The following FLRT1 variants were observed in gnomAD, a reference collection of about 807,000 sequenced individuals.
FLRT1 encodes the protein leucine-rich repeat transmembrane protein FLRT1.
Under a neutral mutation model 30.9 loss-of-function variants are expected in FLRT1, and 14 were observed. That is an observed-to-expected ratio of 0.45 (90% CI 0.30 to 0.71). The LOEUF (loss-of-function observed/expected upper bound fraction) is 0.71, where lower values mean the gene tolerates loss of function less well. Ranked by LOEUF, FLRT1 falls within the 30% of genes least tolerant of loss-of-function variation. The probability of loss-of-function intolerance (pLI) is 0.08; values close to 1 mark genes in which losing one functional copy is unlikely to be tolerated. For missense variants in FLRT1, 737 were observed against 949.2 expected, an observed-to-expected ratio of 0.78 and a Z score of 2.94; for synonymous variants, 368 against 430.4, an observed-to-expected ratio of 0.85 and a Z score of 1.80.
At chr11:64,044,476 T>G (rs1436650831) in intron 1 of FLRT1, among the ~76,000 whole-genome samples, 1 of 152,168 alleles carries the variant, frequency 6.6e-6, no homozygotes, top group Non-Finnish European at 1.5e-5. Context: ...CTTGAACTCC[T>G]GGCCTCAAGC....
Position 64,091,313 on chromosome 11 carries a change from T to G in FLRT1, c.-1037-11881T>G, listed in dbSNP as rs975931071. ...TGGATTTCATCACTCACGTAGCTGA[T>G]TTCATCACGTTTCATTTTCTGTCAA... is the stretch of plus-strand genomic sequence containing the variant. On this transcript the variant is annotated intron_variant, in intron 1 of 2. Coordinates refer to ENST00000682287, the MANE Select transcript of FLRT1 (RefSeq NM_013280.5). Among the ~76,000 whole-genome samples, 7 of 152,196 alleles carry G rather than the reference T, an allele frequency of 4.6e-5. 1 individual carries two copies. The East Asian group carries it at 1.4e-3, about 29-fold the overall frequency.
At chr11:64,041,335 C>T (rs74320675) in intron 1 of FLRT1, among the ~76,000 whole-genome samples, 5,693 of 151,604 alleles carry the variant, frequency 0.038, 338 homozygotes, top group African/African-American at 0.13. Context: ...ATTCCTGCTG[C>T]CCCCCACCCC....
At chr11:64,062,921 C>G (rs568098810) in intron 1 of FLRT1, among the ~76,000 whole-genome samples, 2 of 152,352 alleles carry the variant, frequency 1.3e-5, no homozygotes, top group African/African-American at 4.8e-5. Context: ...TCATTCCCCA[C>G]AAACACCTGA....
At chr11:64,076,113 G>C (rs1944195500) in intron 1 of FLRT1, among the ~76,000 whole-genome samples, 1 of 152,148 alleles carries the variant, frequency 6.6e-6, no homozygotes, top group Non-Finnish European at 1.5e-5. Context: ...TCAAGCACAG[G>C]CTGGCCCTGC....
At chr11:64,063,269 C>T (rs1003313696) in intron 1 of FLRT1, among the ~76,000 whole-genome samples, 1 of 152,022 alleles carries the variant, frequency 6.6e-6, no homozygotes, top group Non-Finnish European at 1.5e-5. Flanking sequence ...GCAATATTAG[C>T]GCCCTCTTCC....
At chr11:64,058,995 C>T (rs1416274362) in intron 1 of FLRT1, among the ~76,000 whole-genome samples, 1 of 152,180 alleles carries the variant, frequency 6.6e-6, no homozygotes. Context: ...AAAACAGGGG[C>T]TCACTGTCTA....
At position 64,036,817 on chromosome 11, in the gene FLRT1, C is replaced by G. The variant is rs1046322159; in HGVS notation, c.-1038+658C>G. Reference sequence around the variant, plus strand: ...TGGGCGGGGGGCGGCGGGCACCCCCCATCCCCCAGCTCTCAAGACAAGGAG... The same window carrying G: ...TGGGCGGGGGGCGGCGGGCACCCCCGATCCCCCAGCTCTCAAGACAAGGAG... On this transcript the variant is annotated intron_variant, in intron 1 of 2. Transcript: ENST00000682287. This position sits in a 1 kb window ranked among gnomAD's most constrained non-coding sequence, Gnocchi z 5.6. Among the ~76,000 whole-genome samples the G allele has an allele frequency of 6.6e-6, 1 of 152,196 alleles. No homozygotes were observed. The highest frequency in any genetic ancestry group is 2.4e-5 in the African/African-American group (1 of 41,452).
chr11:64,091,228 GGT>G (rs1944484805), intron 1 of FLRT1, among the ~76,000 whole-genome samples: 1 of 152,072 alleles, frequency 6.6e-6, no homozygotes, highest in Non-Finnish European at 1.5e-5. Flanking sequence ...TCCGCTGCAG[GGT>G]CTGCAGCCCA....
chr11:64,118,086 A>G lies in FLRT1; in HGVS notation c.1819A>G (p.Lys607Glu). 2 of 1,612,234 alleles carry G rather than the reference A, an allele frequency of 1.2e-6. No individual in the cohort carries two copies. The highest frequency in any genetic ancestry group is 1.7e-6 in the Non-Finnish European group (2 of 1,178,712). Residue 607 changes from lysine (K) to glutamate (E), a missense_variant, in exon 3 of 3, where the codon AAG (lysine) becomes GAG (glutamate). Physicochemically the swap from Lys to Glu is moderately conservative, Grantham distance 56. Transcript: ENST00000682287. ...KDDYMESGTKKDNSILEIRGP... is the reference protein window; with the variant it reads ...KDDYMESGTKEDNSILEIRGP... ...TGACTATATGGAGTCAGGGACCAAG[A>G]AGGATAACTCCATCCTGGAAATCCG...
intron 1 of FLRT1, among the ~76,000 whole-genome samples, chr11:64,100,729 C>T (rs934582795): frequency 5.9e-5 from 9 of 152,216 alleles, no homozygotes; most frequent in African/African-American, 2.2e-4. Context: ...CACTGCCAGC[C>T]AGACTCACTT....
At chr11:64,109,267 G>A (rs1173491356) in intron 2 of FLRT1, among the ~76,000 whole-genome samples, 1 of 152,194 alleles carries the variant, frequency 6.6e-6, no homozygotes, top group Non-Finnish European at 1.5e-5. Flanking sequence ...AGCAAAGGCT[G>A]AGCAGCAGAC....
At chr11:64,098,942 G>T (rs937028239) in intron 1 of FLRT1, among the ~76,000 whole-genome samples, 2 of 152,196 alleles carry the variant, frequency 1.3e-5, no homozygotes, top group African/African-American at 4.8e-5. Context: ...GAAACAGGAG[G>T]GCTAATTGCT....
At chr11:64,037,723 C>G (rs1943409610) in intron 1 of FLRT1, among the ~76,000 whole-genome samples, 2 of 152,102 alleles carry the variant, frequency 1.3e-5, no homozygotes, top group African/African-American at 4.8e-5. Context: ...TAAAAAGCAC[C>G]CTGACCCCAG....
chr11:64,109,505 T>G (rs575923368), intron 2 of FLRT1, among the ~76,000 whole-genome samples: 2 of 148,090 alleles, frequency 1.4e-5, no homozygotes, highest in African/African-American at 2.5e-5. Context: ...GCAGAGGGGG[T>G]GGAAAGGGGA....
At chr11:64,114,747 G>T (rs1227297547) in intron 2 of FLRT1, among the ~76,000 whole-genome samples, 1 of 152,016 alleles carries the variant, frequency 6.6e-6, no homozygotes, top group Non-Finnish European at 1.5e-5. Flanking sequence ...GGATGGACAG[G>T]TCCATGCATG....
chr11:64,062,611 G>A (rs1449018682), intron 1 of FLRT1, among the ~76,000 whole-genome samples: 1 of 149,030 alleles, frequency 6.7e-6, no homozygotes, highest in Non-Finnish European at 1.5e-5. Flanking sequence ...CCTGGGCGCT[G>A]GGGATGGAGC....
At chr11:64,110,449 GAA>G (rs754055496) in intron 2 of FLRT1, among the ~76,000 whole-genome samples, 5 of 132,294 alleles carry the variant, frequency 3.8e-5, no homozygotes, top group East Asian at 2.2e-4. Flanking sequence ...GACTGTCTCA[GAA>G]AAAAAAAAAA....
chr11:64,085,154 G>A (rs980075082), intron 1 of FLRT1, among the ~76,000 whole-genome samples: 11 of 152,226 alleles, frequency 7.2e-5, no homozygotes, highest in Non-Finnish European at 1.2e-4. Flanking sequence ...GGCAGAGGAT[G>A]GGGCTTGAGG....
At chr11:64,062,866 G>A (rs895304991) in intron 1 of FLRT1, among the ~76,000 whole-genome samples, 2 of 152,146 alleles carry the variant, frequency 1.3e-5, no homozygotes, top group African/African-American at 2.4e-5. Flanking sequence ...CCCCGGCCCC[G>A]CCTCCTAGGC....
Sources: allele counts gnomAD v4.1 joint callset (sites outside exome capture counted in the v4.1 genomes callset), GRCh38; gene constraint gnomAD v4.1.1; non-coding constraint Gnocchi (gnomAD v3.1); transcripts MANE v1.5; gene names NCBI Gene and HGNC (gene_info 2026-07-23, HGNC 2026-07-21).